The following NECAB1 variants were observed in gnomAD, a reference collection of about 807,000 sequenced individuals.
NECAB1 encodes the protein N-terminal EF-hand calcium binding protein 1.
A neutral mutation model predicts 57.5 loss-of-function variants in NECAB1; 29 were observed. The observed-to-expected ratio is 0.50, with a 90% CI of 0.38 to 0.69. The LOEUF is 0.69. Ranked by LOEUF, NECAB1 falls within the 30% of genes least tolerant of loss-of-function variation. The pLI, the probability that NECAB1 is intolerant of heterozygous loss-of-function variation, is 0.00. For missense variants in NECAB1, 372 were observed against 413.8 expected (o/e 0.90, Z 0.88); for synonymous variants, 142 against 147.7 (o/e 0.96, Z 0.28).
Position 90,955,625 on chromosome 8 carries a change from A to G in NECAB1, c.*113A>G, listed in dbSNP as rs1484366144. ...AATCTACTGTATATTTTTGTTTGGT[A>G]TATTTACTAAGTGCACTCTTTCAAA... On this transcript the variant is annotated 3_prime_UTR_variant, in exon 13 of 13. Transcript: ENST00000417640. 8 of 726,150 alleles carry G rather than the reference A, an allele frequency of 1.1e-5. No individual in the cohort carries two copies. Among genetic ancestry groups the G allele is most frequent in the Non-Finnish European group, 1.7e-5 (8 of 458,780 alleles). The allele number at this position is 726,150 out of a possible 1,614,324, so 45.0% of individuals were successfully genotyped here.
rs1811069355 is a variant in NECAB1, at chr8:90,958,327, C to T, written c.*2815C>T. 1 of 151,584 alleles carries T rather than the reference C, an allele frequency of 6.6e-6. No homozygotes were observed. The highest frequency in any genetic ancestry group is 1.5e-5 in the Non-Finnish European group (1 of 67,688). The allele number at this position is 151,584 out of a possible 1,614,324, so 9.4% of individuals were successfully genotyped here. On this transcript the variant is annotated 3_prime_UTR_variant, in exon 13 of 13. Transcript: ENST00000417640. The stretch of plus-strand genomic sequence containing the variant: ...GCTATTCATATGGTCTGATTAGTGA[C>T]ATAAGTAGCAGCCGTTTTTCAACTT...
At chr8:90,894,738 A>T (rs567245976) in intron 5 of NECAB1, among the ~76,000 whole-genome samples, 1 of 152,334 alleles carries the variant, frequency 6.6e-6, no homozygotes, top group South Asian at 2.1e-4. Flanking sequence ...TCTTACAACA[A>T]CAACCAAAAT....
intron 1 of NECAB1, among the ~76,000 whole-genome samples, chr8:90,799,087 C>T (rs1396355297): frequency 6.6e-6 from 1 of 152,080 alleles, no homozygotes; most frequent in Admixed American, 6.5e-5. Context: ...TGTTTGTTGG[C>T]CACTTGTATG....
intron 2 of NECAB1, among the ~76,000 whole-genome samples, chr8:90,815,183 C>T (rs1277469759): frequency 6.6e-6 from 1 of 152,050 alleles, no homozygotes; most frequent in Non-Finnish European, 1.5e-5. Context: ...ATGTTTAACT[C>T]ATAGCCTATG....
intron 7 of NECAB1, among the ~76,000 whole-genome samples, chr8:90,927,160 A>G (rs1038589138): frequency 1.1e-4 from 16 of 150,788 alleles, no homozygotes; most frequent in African/African-American, 3.9e-4. Flanking sequence ...TTTTATTAGT[A>G]TATTTGTAAT....
At chr8:90,808,714 C>G (rs923988595) in intron 2 of NECAB1, among the ~76,000 whole-genome samples, 34 of 143,016 alleles carry the variant, frequency 2.4e-4, no homozygotes, top group Non-Finnish European at 4.9e-4. Flanking sequence ...GGCACAACCT[C>G]GGCTCACTGC....
rs1812118787 is a variant in NECAB1 at position 90,819,967 on chromosome 8, G to A, written c.125-4750G>A. On this transcript the variant is annotated intron_variant, in intron 2 of 12. Coordinates refer to ENST00000417640, the MANE Select transcript of NECAB1 (RefSeq NM_022351.5). ...ACTGTGAGAAACTGGTGAAGTTTCTGGAGGTAAAACCCACCAAAGTATGGA... is the reference window on the plus strand; with the variant it reads ...ACTGTGAGAAACTGGTGAAGTTTCTAGAGGTAAAACCCACCAAAGTATGGA... Among the ~76,000 whole-genome samples the A allele has an allele frequency of 3.3e-5, 5 of 151,808 alleles. No homozygotes were observed. In the South Asian group the frequency reaches 1.0e-3, roughly 32 times the overall value.
chr8:90,804,732 G>A (rs1811819375), intron 2 of NECAB1, among the ~76,000 whole-genome samples: 1 of 152,072 alleles, frequency 6.6e-6, no homozygotes, highest in South Asian at 2.1e-4. Context: ...TTTTCCCCCT[G>A]CCTTTCATCC....
In NECAB1 at chr8:90,796,552, T is replaced by C. The variant is rs1366095865; in HGVS notation, c.99+4567T>C. ...ATAACTTAAAGTGATGAATAAGGAA[T>C]TTTAGTTGAGGCCATCAAAGAATAT... On this transcript the variant is annotated intron_variant, in intron 1 of 12. Transcript: ENST00000417640. Among the ~76,000 whole-genome samples, 3 of 152,226 alleles carry C rather than the reference T, an allele frequency of 2.0e-5. No individual in the cohort carries two copies. The East Asian group carries it at 5.8e-4, about 29-fold the overall frequency.
chr8:90,834,565 A>T (rs2129729415), intron 3 of NECAB1, among the ~76,000 whole-genome samples: 1 of 152,278 alleles, frequency 6.6e-6, no homozygotes, highest in Non-Finnish European at 1.5e-5. Context: ...TTAATCTTCG[A>T]CTTAGCCTCC....
intron 5 of NECAB1, among the ~76,000 whole-genome samples, chr8:90,914,020 C>T (rs1809892240): frequency 6.6e-6 from 1 of 152,158 alleles, no homozygotes; most frequent in African/African-American, 2.4e-5. Context: ...CAGGTGGTGA[C>T]CAGCCAGTGG....
intron 6 of NECAB1, among the ~76,000 whole-genome samples, chr8:90,922,116 ATAAG>A (rs1406067042): frequency 5.9e-5 from 9 of 152,242 alleles, no homozygotes; most frequent in Admixed American, 3.9e-4. Flanking sequence ...GACAAGAATA[ATAAG>A]TATGTTATAT....
rs567145502 is a variant in NECAB1 at position 90,926,455 on chromosome 8, C to A, written c.616+799C>A. Among the ~76,000 whole-genome samples the A allele has an allele frequency of 6.6e-5, 10 of 152,244 alleles. No individual in the cohort carries two copies. The East Asian group carries it at 1.7e-3, about 26-fold the overall frequency. ...TTTCTCCATTTCACAGGTAAGGAAA[C>A]AAGCCTGGGAAGTTAAGTGATTTGT... On this transcript the variant is annotated intron_variant, in intron 7 of 12. Transcript: ENST00000417640.
chr8:90,848,577 G>C (rs1415895959), intron 3 of NECAB1, among the ~76,000 whole-genome samples: 1 of 152,174 alleles, frequency 6.6e-6, no homozygotes, highest in African/African-American at 2.4e-5. Flanking sequence ...TGTACTCACA[G>C]TTCCACATGG....
chr8:90,846,182 C>T (rs1430173513), intron 3 of NECAB1, among the ~76,000 whole-genome samples: 3 of 152,168 alleles, frequency 2.0e-5, no homozygotes, highest in African/African-American at 7.2e-5. Flanking sequence ...CCTTTCCGAA[C>T]CAAACTGACT....
At chr8:90,838,137 GT>G (rs1183537568) in intron 3 of NECAB1, among the ~76,000 whole-genome samples, 6 of 152,046 alleles carry the variant, frequency 3.9e-5, no homozygotes, top group African/African-American at 1.4e-4. Flanking sequence ...TATTATCCTT[GT>G]TGTATTTGAT....
At chr8:90,858,453 T>C (rs911180370) in intron 3 of NECAB1, among the ~76,000 whole-genome samples, 1 of 152,136 alleles carries the variant, frequency 6.6e-6, no homozygotes, top group Non-Finnish European at 1.5e-5. Flanking sequence ...CTTATAAAAT[T>C]CTCTATATAA....
At chr8:90,918,930 A>G (rs1810040679) in intron 6 of NECAB1, among the ~76,000 whole-genome samples, 1 of 152,216 alleles carries the variant, frequency 6.6e-6, no homozygotes, top group African/African-American at 2.4e-5. Flanking sequence ...ATGATGGGAA[A>G]GACCCTTACA....
At chr8:90,829,904 G>T (rs574984444) in intron 3 of NECAB1, among the ~76,000 whole-genome samples, 1 of 152,046 alleles carries the variant, frequency 6.6e-6, no homozygotes, top group Non-Finnish European at 1.5e-5. Context: ...CAGTTTTCAT[G>T]TGCCAATGAG....
Sources: allele counts gnomAD v4.1 joint callset (sites outside exome capture counted in the v4.1 genomes callset), GRCh38; gene constraint gnomAD v4.1.1; transcripts MANE v1.5; gene names NCBI Gene and HGNC (gene_info 2026-07-23, HGNC 2026-07-21).